FER: variants seen among roughly 807,000 people sequenced by gnomAD.
The protein encoded by FER is tyrosine-protein kinase Fer.
In FER, 63 loss-of-function variants were observed where a neutral mutation model predicts 111.0. That is an observed-to-expected ratio of 0.57 (90% CI 0.46 to 0.70). FER has a LOEUF of 0.70. FER is among the 30% of genes least tolerant of loss of function. The probability of loss-of-function intolerance (pLI) is 0.00; values close to 1 mark genes in which losing one functional copy is unlikely to be tolerated. For missense variants in FER, 914 were observed against 954.0 expected (o/e 0.96, Z 0.55); for synonymous variants, 327 against 313.9 (o/e 1.04, Z -0.44).
chr5:108,779,019 T>TTC (rs1414562571), intron 2 of FER, among the ~76,000 whole-genome samples: 1 of 151,970 alleles, frequency 6.6e-6, no homozygotes, highest in African/African-American at 2.4e-5. Flanking sequence ...TCTTTTTTTT[T>TTC]TTTGCAAGTG....
At chr5:108,855,465 C>T (rs1352500628) in intron 5 of FER, among the ~76,000 whole-genome samples, 1 of 151,426 alleles carries the variant, frequency 6.6e-6, no homozygotes, top group Non-Finnish European at 1.5e-5. Context: ...CTAAAAAATA[C>T]AAAAAATTAG....
chr5:108,797,973 A>C (rs1756224795), intron 2 of FER, 151 bp from the exon 3 acceptor site: 1 of 476,046 alleles, frequency 2.1e-6, no homozygotes. Context: ...AATAGGGTGG[A>C]CTTCTTCATC....
At chr5:109,080,629 A>G (rs1186778720) in intron 16 of FER, among the ~76,000 whole-genome samples, 1 of 152,084 alleles carries the variant, frequency 6.6e-6, no homozygotes, top group Non-Finnish European at 1.5e-5. Context: ...AAGATGTGTA[A>G]AGAAAGTTCT....
intron 16 of FER, among the ~76,000 whole-genome samples, chr5:109,094,728 A>G (rs1012371333): frequency 5.3e-5 from 8 of 152,184 alleles, no homozygotes; most frequent in Non-Finnish European, 8.8e-5. Flanking sequence ...GAAACAGGCA[A>G]TAGGCTGGAT....
chr5:108,833,125 G>C (rs1760223571), intron 4 of FER, among the ~76,000 whole-genome samples, 182 bp downstream of exon 4: 1 of 152,044 alleles, frequency 6.6e-6, no homozygotes, highest in African/African-American at 2.4e-5. Context: ...TACTGTGACT[G>C]TATATACTCC....
chr5:109,154,929 C>G (rs1261068779), intron 17 of FER, among the ~76,000 whole-genome samples: 2 of 151,832 alleles, frequency 1.3e-5, no homozygotes, highest in Admixed American at 1.3e-4. Flanking sequence ...CTTGGAATAT[C>G]TTTTATGAGT....
Position 108,908,336 on chromosome 5 carries a change from G to T in FER, c.1236+10488G>T, listed in dbSNP as rs565696269. Among the ~76,000 whole-genome samples, 3 of 152,124 alleles carry T rather than the reference G, an allele frequency of 2.0e-5. No individual in the cohort carries two copies. The South Asian group carries it at 6.2e-4, about 32-fold the overall frequency. On this transcript the variant is annotated intron_variant, in intron 10 of 19. Transcript: ENST00000281092. Reference sequence around the variant, plus strand: ...CTTACATTGCTATAACGAAATAATAGCTGTTAAGAATGAAATTGCTAAAGA... The same window carrying T: ...CTTACATTGCTATAACGAAATAATATCTGTTAAGAATGAAATTGCTAAAGA...
At chr5:108,865,057 T>G (rs1763898877) in intron 5 of FER, among the ~76,000 whole-genome samples, 1 of 152,226 alleles carries the variant, frequency 6.6e-6, no homozygotes, top group Non-Finnish European at 1.5e-5. Context: ...GTTGTTCTCC[T>G]TGAAGAGGTC....
chr5:108,769,879 T>G lies in FER; in HGVS notation c.-60+1641T>G, dbSNP rs569998091. On this transcript the variant is annotated intron_variant, in intron 2 of 19. Transcript: ENST00000281092. ...TAATATTAGTGCTGGAAATAAAGCA[T>G]CTGGCAAATTTGTAATATATACTAG... is the stretch of plus-strand genomic sequence containing the variant. Among the ~76,000 whole-genome samples, 7 of 152,318 alleles carry G rather than the reference T, an allele frequency of 4.6e-5. No individual in the cohort carries two copies. The East Asian group carries it at 1.3e-3, about 29-fold the overall frequency.
intron 13 of FER, among the ~76,000 whole-genome samples, chr5:108,965,735 T>C (rs573220311): frequency 6.6e-6 from 1 of 152,138 alleles, no homozygotes; most frequent in South Asian, 2.1e-4. Flanking sequence ...TGTCAATAGC[T>C]TAACAAAAAT....
At chr5:109,062,313 C>T (rs978425422) in intron 16 of FER, among the ~76,000 whole-genome samples, 14 of 151,970 alleles carry the variant, frequency 9.2e-5, no homozygotes, top group Non-Finnish European at 1.6e-4. Flanking sequence ...CACTCGAGGC[C>T]GGGAGTTCAA....
At chr5:108,908,865 C>A (rs756991361) in intron 10 of FER, among the ~76,000 whole-genome samples, 1 of 152,206 alleles carries the variant, frequency 6.6e-6, no homozygotes, top group African/African-American at 2.4e-5. Context: ...ATGGAGAAAC[C>A]CTGTATCTAC....
chr5:108,909,504 G>A (rs1333277794), intron 10 of FER, among the ~76,000 whole-genome samples: 1 of 152,058 alleles, frequency 6.6e-6, no homozygotes, highest in Non-Finnish European at 1.5e-5. Context: ...TTGTTCCTTG[G>A]AAGGAGAAAC....
intron 2 of FER, among the ~76,000 whole-genome samples, chr5:108,782,102 G>A (rs1030570835): frequency 6.6e-6 from 1 of 152,068 alleles, no homozygotes; most frequent in Non-Finnish European, 1.5e-5. Flanking sequence ...TTCCTACCCT[G>A]CACTGGTTCC....
At chr5:108,966,161 G>T (rs1292647326) in intron 13 of FER, among the ~76,000 whole-genome samples, 1 of 152,052 alleles carries the variant, frequency 6.6e-6, no homozygotes, top group Non-Finnish European at 1.5e-5. Flanking sequence ...TATGTTTTTA[G>T]TCAGAAGAGC....
chr5:109,098,111 G>T (rs1240207068), intron 16 of FER, among the ~76,000 whole-genome samples: 1 of 151,782 alleles, frequency 6.6e-6, no homozygotes, highest in East Asian at 1.9e-4. Flanking sequence ...CTATGTTACA[G>T]TATTTGGAAA....
chr5:109,091,398 A>G (rs1746737929), intron 16 of FER, among the ~76,000 whole-genome samples: 1 of 152,210 alleles, frequency 6.6e-6, no homozygotes, highest in Non-Finnish European at 1.5e-5. Flanking sequence ...GGTGGTGTCC[A>G]TATGGTGCTA....
intron 1 of FER, among the ~76,000 whole-genome samples, chr5:108,751,719 C>T (rs551345808): frequency 6.6e-5 from 10 of 151,976 alleles, no homozygotes; most frequent in African/African-American, 2.2e-4. Flanking sequence ...TGGAGACTGA[C>T]GTAATTAGAG....
intron 2 of FER, among the ~76,000 whole-genome samples, chr5:108,769,519 G>T (rs1167172248): frequency 6.6e-6 from 1 of 152,182 alleles, no homozygotes; most frequent in Non-Finnish European, 1.5e-5. Flanking sequence ...TGCTGTGTGA[G>T]ACATGGACTG....
Sources: gnomAD v4.1 joint callset for allele counts (sites outside exome capture counted in the v4.1 genomes callset) on GRCh38, gnomAD v4.1.1 for gene constraint, MANE v1.5 for transcripts, NCBI Gene and HGNC (gene_info 2026-07-23, HGNC 2026-07-21) for gene names.